Variants in DOK6 observed in about 807,000 individuals in gnomAD.
DOK6 encodes the protein downstream of tyrosine kinase 6.
Under a neutral mutation model 44.0 loss-of-function variants are expected in DOK6, and 22 were observed. The observed-to-expected ratio is 0.50, with a 90% CI of 0.36 to 0.71. DOK6 has a LOEUF of 0.71. Ranked by LOEUF, DOK6 falls within the 30% of genes least tolerant of loss-of-function variation. The probability of loss-of-function intolerance (pLI) is 0.00; values close to 1 mark genes in which losing one functional copy is unlikely to be tolerated. For missense variants in DOK6, 340 were observed against 416.4 expected (o/e 0.82, Z 1.60); for synonymous variants, 166 against 145.5 (o/e 1.14, Z -1.01).
chr18:69,770,336 G>C (rs914532043), intron 7 of DOK6, among the ~76,000 whole-genome samples: 3 of 152,060 alleles, frequency 2.0e-5, no homozygotes, highest in Admixed American at 2.0e-4. Flanking sequence ...ATTGTCACTT[G>C]GATAGGAAAG....
intron 2 of DOK6, among the ~76,000 whole-genome samples, chr18:69,589,912 G>C (rs1209628104): frequency 6.6e-6 from 1 of 152,028 alleles, no homozygotes; most frequent in African/African-American, 2.4e-5. Context: ...GGTGGAACAG[G>C]TAAAATCTTA....
intron 3 of DOK6, among the ~76,000 whole-genome samples, chr18:69,655,558 C>A (rs2144666623): frequency 6.6e-6 from 1 of 151,398 alleles, no homozygotes; most frequent in African/African-American, 2.4e-5. Flanking sequence ...TTTGAGACCA[C>A]CCTGGGCAAC....
At chr18:69,641,300 T>C (rs1666108756) in intron 3 of DOK6, among the ~76,000 whole-genome samples, 1 of 152,184 alleles carries the variant, frequency 6.6e-6, no homozygotes, top group South Asian at 2.1e-4. Flanking sequence ...AAACTTCCAC[T>C]TAATCATTAA....
intron 1 of DOK6, among the ~76,000 whole-genome samples, chr18:69,535,893 A>G (rs941637699): frequency 5.3e-5 from 8 of 152,148 alleles, no homozygotes; most frequent in African/African-American, 1.9e-4. Context: ...CGTAACAAGT[A>G]TAACTTCCTA....
At chr18:69,506,800 T>A (rs1981200818) in intron 1 of DOK6, among the ~76,000 whole-genome samples, 1 of 152,006 alleles carries the variant, frequency 6.6e-6, no homozygotes, top group Admixed American at 6.6e-5. Context: ...ACATTCAGTA[T>A]TATAAAAACT....
chr18:69,683,638 G>GA (rs1388933068), intron 4 of DOK6, among the ~76,000 whole-genome samples: 1 of 152,144 alleles, frequency 6.6e-6, no homozygotes, highest in Non-Finnish European at 1.5e-5. Context: ...GAAAAAGCAA[G>GA]AAAGGATTCT....
intron 1 of DOK6, among the ~76,000 whole-genome samples, chr18:69,563,767 A>G (rs1385413991): frequency 2.0e-5 from 3 of 151,954 alleles, no homozygotes; most frequent in Non-Finnish European, 2.9e-5. Flanking sequence ...AAACCTGCCC[A>G]TTGTGCGCAT....
chr18:69,810,848 A>G (rs929515378), intron 7 of DOK6, among the ~76,000 whole-genome samples: 4 of 152,076 alleles, frequency 2.6e-5, no homozygotes, highest in African/African-American at 9.7e-5. Flanking sequence ...ACAACTGCTA[A>G]TGGGAATGTA....
At chr18:69,725,578 C>A (rs866695955) in intron 5 of DOK6, among the ~76,000 whole-genome samples, 1 of 152,180 alleles carries the variant, frequency 6.6e-6, no homozygotes, top group Non-Finnish European at 1.5e-5. Context: ...GCCTCCGCCT[C>A]CTGGGTTCAA....
At chr18:69,418,599 C>A (rs1451412773) in intron 1 of DOK6, among the ~76,000 whole-genome samples, 1 of 151,874 alleles carries the variant, frequency 6.6e-6, no homozygotes, top group African/African-American at 2.4e-5. Context: ...GTATCTGGGA[C>A]TACAGGCACG....
chr18:69,742,783 C>A (rs542756072), intron 6 of DOK6, among the ~76,000 whole-genome samples: 64 of 152,276 alleles, frequency 4.2e-4, no homozygotes, highest in African/African-American at 1.4e-3. Flanking sequence ...TCCTTTGACT[C>A]CTTGAAATAT....
chr18:69,523,225 GGAT>G (rs1351559779), intron 1 of DOK6, among the ~76,000 whole-genome samples: 2 of 151,992 alleles, frequency 1.3e-5, no homozygotes, highest in African/African-American at 4.8e-5. Context: ...CATCTTCCAC[GGAT>G]GACAGAGTGA....
At chr18:69,826,940 C>T (rs1439007005) in intron 7 of DOK6, among the ~76,000 whole-genome samples, 1 of 152,110 alleles carries the variant, frequency 6.6e-6, no homozygotes, top group Non-Finnish European at 1.5e-5. Flanking sequence ...TTATAATTTG[C>T]TGCAGAAAAT....
chr18:69,507,396 A>T (rs1311721182), intron 1 of DOK6, among the ~76,000 whole-genome samples: 2 of 152,038 alleles, frequency 1.3e-5, no homozygotes, highest in East Asian at 3.9e-4. Context: ...TCTTTTTAAA[A>T]ATTGTTTTGC....
At chr18:69,637,928 G>A (rs1984846882) in intron 3 of DOK6, among the ~76,000 whole-genome samples, 1 of 151,894 alleles carries the variant, frequency 6.6e-6, no homozygotes, top group South Asian at 2.1e-4. Context: ...ATAAGGATAG[G>A]AGATCTATAT....
intron 3 of DOK6, among the ~76,000 whole-genome samples, chr18:69,614,092 C>A (rs1186293233): frequency 6.6e-6 from 1 of 151,850 alleles, no homozygotes. Flanking sequence ...TTATCAAATT[C>A]TATATCTTTA....
chr18:69,542,843 C>A (rs148426535), intron 1 of DOK6, among the ~76,000 whole-genome samples: 1 of 151,568 alleles, frequency 6.6e-6, no homozygotes, highest in Non-Finnish European at 1.5e-5. Context: ...ATACACCGAG[C>A]GTGGATTAGT....
intron 1 of DOK6, among the ~76,000 whole-genome samples, chr18:69,420,796 G>A (rs1039993259): frequency 5.3e-5 from 8 of 152,126 alleles, no homozygotes; most frequent in Non-Finnish European, 7.3e-5. Flanking sequence ...GGAGGTTGGC[G>A]TATCTCTGAG....
At position 69,803,789 on chromosome 18, in the gene DOK6, G is replaced by A. The variant is rs557900160; in HGVS notation, c.857-37455G>A. On this transcript the variant is annotated intron_variant, in intron 7 of 7. Coordinates refer to ENST00000382713, the MANE Select transcript of DOK6 (RefSeq NM_152721.6). ...CAGAAGAATCACTTGAACCCGGGAG[G>A]CAGAGGTTGCAGTGAGCCAAGATCA... is the stretch of plus-strand genomic sequence containing the variant. 1.2e-4 allele frequency among the ~76,000 whole-genome samples: 18 copies of A among 152,198 alleles called. No individual in the cohort carries two copies. In the East Asian group the frequency reaches 3.5e-3, roughly 29 times the overall value.
Sources: gnomAD v4.1 joint callset for allele counts (sites outside exome capture counted in the v4.1 genomes callset) on GRCh38, gnomAD v4.1.1 for gene constraint, MANE v1.5 for transcripts, NCBI Gene and HGNC (gene_info 2026-07-23, HGNC 2026-07-21) for gene names.